Variants in PBDC1 observed in about 807,000 individuals in gnomAD.
PBDC1 encodes polysaccharide biosynthesis domain containing 1.
In PBDC1, 3 loss-of-function variants were observed where a neutral mutation model predicts 12.0. The ratio of observed to expected loss-of-function variants is 0.25; its 90% confidence interval spans 0.11 to 0.64. PBDC1 has a LOEUF of 0.64. Ranked by LOEUF, PBDC1 falls within the 30% of genes least tolerant of loss-of-function variation. The pLI is 0.84. For synonymous variants in PBDC1, 64 were observed against 56.4 expected (o/e 1.13, Z -0.60); for missense variants, 162 against 168.1 (o/e 0.96, Z 0.20).
chrX:76,177,022 G>C (rs1175164213), intron 5 of PBDC1, 30 bp downstream of exon 5: 7 of 1,000,494 alleles, frequency 7.0e-6, no homozygotes, highest in Non-Finnish European at 9.9e-6. Context: ...AATTGTTTCT[G>C]TGTAAGGAGA....
At chrX:76,174,473 G>A (rs1556796727) in intron 2 of PBDC1, among the ~76,000 whole-genome samples, 1 of 112,045 alleles carries the variant, frequency 8.9e-6, no homozygotes, top group Non-Finnish European at 1.9e-5. Context: ...AAACAAAAAT[G>A]ATTATGACAT....
chrX:76,173,854 G>T (rs1238150561), intron 2 of PBDC1, among the ~76,000 whole-genome samples: 1 of 112,060 alleles, frequency 8.9e-6, no homozygotes, highest in African/African-American at 3.2e-5. Flanking sequence ...GGTTCCCCAA[G>T]TTGGCCACGC....
At chrX:76,177,023 T>C (rs1924811283) in intron 5 of PBDC1, 31 bp downstream of exon 5, 1 of 995,194 alleles carries the variant, frequency 1.0e-6, no homozygotes, top group African/African-American at 1.9e-5. Context: ...ATTGTTTCTG[T>C]GTAAGGAGAC....
Position 76,178,024 on chromosome X carries a change from C to T in PBDC1, c.*116C>T, listed in dbSNP as rs782325020. On this transcript the variant is annotated 3_prime_UTR_variant, in exon 6 of 6. Coordinates refer to ENST00000373358, the MANE Select transcript of PBDC1 (RefSeq NM_016500.5). ...TAAATTCTTGTACAATTGAAGGATACGCAGAAGGACATCTTTCTAGTCTAA... is the reference window on the plus strand; with the variant it reads ...TAAATTCTTGTACAATTGAAGGATATGCAGAAGGACATCTTTCTAGTCTAA... 4.2e-5 allele frequency: 48 copies of T among 1,139,045 alleles called. No homozygotes were observed. Among genetic ancestry groups the T allele is most frequent in the Admixed American group, 1.7e-4 (6 of 35,013 alleles). 93.9% of individuals were successfully genotyped at this position (1,139,045 alleles called of 1,213,427 possible).
chrX:76,173,626 C>T lies in PBDC1; in HGVS notation c.72C>T (p.Leu24=), dbSNP rs782687277. ...TGTCTGTGGCACATGCGCTTTCTCT[C>T]CCAGCAGAGTCGTATGGCAACGATG... ...ELVSVAHALS[L]PAESYGNDPD... The change falls in exon 2 of 6, where the codon CTC becomes CTT. Residue 24 remains leucine, a synonymous_variant. Coordinates refer to ENST00000373358, the MANE Select transcript of PBDC1 (RefSeq NM_016500.5). 1 of 1,195,294 alleles carries T rather than the reference C, an allele frequency of 8.4e-7. No homozygotes were observed. The highest frequency in any genetic ancestry group is 1.1e-6 in the Non-Finnish European group (1 of 886,840).
At position 76,177,882 on chromosome X, in the gene PBDC1, A is replaced by G; in HGVS notation, c.676A>G (p.Asn226Asp). Residue 226 changes from asparagine to aspartate, a missense_variant, in exon 6 of 6, where the codon AAC (asparagine) becomes GAC (aspartate). Coordinates refer to ENST00000373358, the MANE Select transcript of PBDC1 (RefSeq NM_016500.5). ...EKGKEADKEI[N>D]KSGEKAM is the part of the protein sequence containing the mutation. ...AGGGAAAGAAGCTGACAAAGAAATC[A>G]ACAAAAGTGGTGAAAAAGCTATGTA... is the stretch of plus-strand genomic sequence containing the variant. The G allele has an allele frequency of 8.3e-7, 1 of 1,211,716 alleles. No homozygotes were observed. Among genetic ancestry groups the G allele is most frequent in the Non-Finnish European group, 1.1e-6 (1 of 895,441 alleles).
chrX:76,178,149 C>A lies in PBDC1; in HGVS notation c.*241C>A. On this transcript the variant is annotated 3_prime_UTR_variant, in exon 6 of 6. Coordinates refer to ENST00000373358, the MANE Select transcript of PBDC1 (RefSeq NM_016500.5). Reference sequence around the variant, plus strand: ...TCCTGGTATACTGTTTCTTGGCTGACACTACTGGTCAAGTAAGAAATTTGT... The same window carrying A: ...TCCTGGTATACTGTTTCTTGGCTGAAACTACTGGTCAAGTAAGAAATTTGT... The A allele has an allele frequency of 2.5e-6, 1 of 399,869 alleles. No homozygotes were observed. Among genetic ancestry groups the A allele is most frequent in the Non-Finnish European group, 4.2e-6 (1 of 238,662 alleles). 33.0% of individuals were successfully genotyped at this position (399,869 alleles called of 1,213,427 possible).
Position 76,177,820 on chromosome X carries a change from T to C in PBDC1, c.614T>C (p.Ile205Thr). The change falls in exon 6 of 6, where the codon ATC (isoleucine) becomes ACC (threonine). Residue 205 changes from isoleucine to threonine, a missense_variant. Around this residue, in one of 3 missense-constraint regions of PBDC1, gnomAD observed 100 missense variants for 96.2 expected, o/e 1.04. Transcript: ENST00000373358. The part of the protein sequence containing the change: ...ADSGEEKEEG[I>T]NREDKTDKGG... Reference sequence around the variant, plus strand: ...AGTGGAGAAGAAAAAGAGGAAGGAATCAACAGAGAAGACAAAACTGACAAA... The same window carrying C: ...AGTGGAGAAGAAAAAGAGGAAGGAACCAACAGAGAAGACAAAACTGACAAA... 8.4e-7 allele frequency: 1 copy of C among 1,196,002 alleles called. No homozygotes were observed. Among genetic ancestry groups the C allele is most frequent in the Non-Finnish European group, 1.1e-6 (1 of 888,255 alleles).
rs782161107 is a variant in PBDC1, at chrX:76,173,592, G to A, written c.38G>A (p.Gly13Glu). ...ATSGTDEPVS[G>E]ELVSVAHALS... is the part of the protein sequence containing the mutation. ...CTTTTTCCTCCTTTCTAGGTTTCCGGGGAGTTGGTGTCTGTGGCACATGCG... is the reference window on the plus strand; with the variant it reads ...CTTTTTCCTCCTTTCTAGGTTTCCGAGGAGTTGGTGTCTGTGGCACATGCG... The change falls in exon 2 of 6, where the codon GGG becomes GAG. Residue 13 changes from glycine (G) to glutamate (E), a missense_variant. Transcript: ENST00000373358. 1 of 1,195,340 alleles carries A rather than the reference G, an allele frequency of 8.4e-7. No homozygotes were observed. Among genetic ancestry groups the A allele is most frequent in the East Asian group, 3.0e-5 (1 of 33,243 alleles).
At chrX:76,174,383 T>C (rs1422147666) in intron 2 of PBDC1, among the ~76,000 whole-genome samples, 1 of 112,136 alleles carries the variant, frequency 8.9e-6, no homozygotes, top group Non-Finnish European at 1.9e-5. Context: ...GGGTGCTTGG[T>C]AAGACTTATT....
Position 76,174,945 on chromosome X carries a change from A to G in PBDC1, c.152A>G (p.Tyr51Cys), listed in dbSNP as rs367993591. The change falls in exon 3 of 6, where the codon TAC becomes TGC. Residue 51 changes from tyrosine to cysteine, a missense_variant. Tyr to Cys is a radical substitution (Grantham distance 194). Transcript: ENST00000373358. ...GCAATGCAGCATGCTGAAGTCTATT[A>G]CAAGGTGAGTTGTCTTTCTTCATCA... is the stretch of plus-strand genomic sequence containing the variant. ...MRAMQHAEVY[Y>C]KLISSVDPQF... The G allele has an allele frequency of 1.7e-6, 2 of 1,187,959 alleles. No homozygotes were observed. Among genetic ancestry groups the G allele is most frequent in the African/African-American group, 3.5e-5 (2 of 57,049 alleles).
intron 3 of PBDC1, among the ~76,000 whole-genome samples, chrX:76,175,272 C>T (rs1048600570): frequency 2.7e-5 from 3 of 112,322 alleles, no homozygotes; most frequent in African/African-American, 9.7e-5. Flanking sequence ...AGTAAGCCAA[C>T]TGCCAAATTG....
intron 3 of PBDC1, 120 bp downstream of exon 3, chrX:76,175,069 T>C: frequency 3.4e-6 from 2 of 596,335 alleles, no homozygotes; most frequent in Non-Finnish European, 2.7e-6. Context: ...TTTTTATTAA[T>C]GTAAGTTCTT....
At chrX:76,177,037 A>T in intron 5 of PBDC1, 45 bp downstream of exon 5, 1 of 884,499 alleles carries the variant, frequency 1.1e-6, no homozygotes, top group Non-Finnish European at 1.7e-6. Context: ...AGGAGACTGA[A>T]CAGTCTGGCT....
chrX:76,177,952 A>G lies in PBDC1; in HGVS notation c.*44A>G. ...CTCTAGAAGCTATGACTCAATTGAG[A>G]CTACAAGTACCACGGTGCTACTTGC... is the stretch of plus-strand genomic sequence containing the variant. On this transcript the variant is annotated 3_prime_UTR_variant, in exon 6 of 6. Coordinates refer to ENST00000373358, the MANE Select transcript of PBDC1 (RefSeq NM_016500.5). The G allele has an allele frequency of 8.3e-7, 1 of 1,199,670 alleles. No homozygotes were observed. The highest frequency in any genetic ancestry group is 1.1e-6 in the Non-Finnish European group (1 of 890,280).
intron 4 of PBDC1, among the ~76,000 whole-genome samples, chrX:76,176,159 G>GTTT (rs35405679): frequency 2.0e-5 from 2 of 98,445 alleles, no homozygotes; most frequent in African/African-American, 3.7e-5. Flanking sequence ...TTGTTTTTTG[G>GTTT]TTTTTTTTTT....
Position 76,177,828 on chromosome X carries a change from G to A in PBDC1, c.622G>A (p.Glu208Lys), listed in dbSNP as rs782416718. ...GEEKEEGINR[E>K]DKTDKGGEKG... ...AGAAAAAGAGGAAGGAATCAACAGA[G>A]AAGACAAAACTGACAAAGGAGGAGA... Residue 208 changes from glutamate to lysine, a missense_variant, in exon 6 of 6, where the codon GAA (glutamate) becomes AAA (lysine). Around this residue, in one of 3 missense-constraint regions of PBDC1, gnomAD observed 100 missense variants for 96.2 expected, o/e 1.04. Transcript: ENST00000373358. 1.4e-5 allele frequency: 17 copies of A among 1,204,374 alleles called. No individual in the cohort carries two copies. In the Admixed American group the frequency reaches 3.8e-4, roughly 27 times the overall value.
chrX:76,176,118 T>G (rs1569277316), intron 4 of PBDC1, among the ~76,000 whole-genome samples: 1 of 106,450 alleles, frequency 9.4e-6, no homozygotes, highest in African/African-American at 3.4e-5. Flanking sequence ...AATCTAAAGT[T>G]TTTGTTTGTT....
intron 2 of PBDC1, 87 bp downstream of exon 2, chrX:76,173,737 G>T: frequency 1.8e-6 from 1 of 558,344 alleles, no homozygotes. Flanking sequence ...ATAACTTCAC[G>T]TCCTGATAAT....
Sources: gnomAD v4.1 joint callset for allele counts (sites outside exome capture counted in the v4.1 genomes callset) on GRCh38, gnomAD v4.1.1 for gene constraint, gnomAD v4.1.1 regional missense constraint, MANE v1.5 for transcripts, NCBI Gene and HGNC (gene_info 2026-07-23, HGNC 2026-07-21) for gene names.